The following IGF2R variants were observed in gnomAD, a reference collection of about 807,000 sequenced individuals.
IGF2R encodes cation-independent mannose-6-phosphate receptor.
IGF2R carries 91 observed loss-of-function variants against 270.6 expected under a neutral mutation model. The observed-to-expected ratio is 0.34, with a 90% CI of 0.28 to 0.40. The LOEUF (loss-of-function observed/expected upper bound fraction) is 0.40, where lower values mean the gene tolerates loss of function less well. Among genes scored for constraint, IGF2R ranks in the 10% least tolerant of loss-of-function variants. The pLI is 1.00. For missense variants in IGF2R, 2,805 were observed against 3,188.3 expected (o/e 0.88, Z 2.90); for synonymous variants, 1,316 against 1,258.9 (o/e 1.05, Z -0.96).
intron 22 of IGF2R, 94 bp downstream of exon 22, chr6:160,059,192 C>A (rs1428616124): frequency 1.6e-5 from 16 of 1,025,166 alleles, no homozygotes; most frequent in Non-Finnish European, 2.3e-5. Context: ...TGTGCACATC[C>A]CCCGCCACCA....
chr6:160,089,317 C>CT, intron 43 of IGF2R, 64 bp downstream of exon 43: 1 of 1,457,494 alleles, frequency 6.9e-7, no homozygotes, highest in Non-Finnish European at 9.4e-7. Context: ...CAATGCCGCT[C>CT]TTTCCCTATC....
intron 10 of IGF2R, among the ~76,000 whole-genome samples, chr6:160,035,612 C>A (rs1231570371): frequency 6.6e-6 from 1 of 152,232 alleles, no homozygotes; most frequent in Non-Finnish European, 1.5e-5. Flanking sequence ...TCTGCCATTG[C>A]TGTCCTTGTT....
intron 10 of IGF2R, among the ~76,000 whole-genome samples, chr6:160,036,153 T>TTTC (rs889995008): frequency 3.3e-5 from 5 of 152,112 alleles, no homozygotes; most frequent in African/African-American, 1.2e-4. Flanking sequence ...TCCCAAGGAT[T>TTTC]TTCAGCAGGG....
At chr6:160,030,879 A>G (rs1777681173) in intron 7 of IGF2R, among the ~76,000 whole-genome samples, 1 of 148,860 alleles carries the variant, frequency 6.7e-6, no homozygotes, top group Non-Finnish European at 1.5e-5. Context: ...GCCGGAGTGC[A>G]GTGCCACGAT....
rs757915126 is a variant in IGF2R at position 159,991,243 on chromosome 6, G to A, written c.209G>A (p.Gly70Glu). ...NNVLYKINIC[G>E]SVDIVQCGPS... ...GTACTTTATAAAATCAACATCTGTG[G>A]AAGTGTGGATATTGTCCAGTGCGGG... The change falls in exon 2 of 48, where the codon GGA (glycine) becomes GAA (glutamate). Residue 70 changes from glycine to glutamate, a missense_variant. By Grantham distance (98) the Gly-to-Glu change is moderately conservative (BLOSUM62 -2). Coordinates refer to ENST00000356956, the MANE Select transcript of IGF2R (RefSeq NM_000876.4). The A allele has an allele frequency of 2.7e-5, 44 of 1,613,378 alleles. No individual in the cohort carries two copies. In the Admixed American group the frequency reaches 5.0e-4, roughly 18 times the overall value.
chr6:159,994,969 C>G (rs1483099352), intron 2 of IGF2R, among the ~76,000 whole-genome samples: 1 of 152,008 alleles, frequency 6.6e-6, no homozygotes, highest in African/African-American at 2.4e-5. Flanking sequence ...AATCCTGAGT[C>G]CAATTTAAGT....
Position 160,009,088 on chromosome 6 carries a change from A to G in IGF2R, c.368A>G (p.Asn123Ser), listed in dbSNP as rs777024868. ...TTVSCDQQGT[N>S]HRVQSSIAFL... The stretch of plus-strand genomic sequence containing the variant: ...GTGAGCTGTGACCAGCAAGGCACAA[A>G]TCACAGAGTCCAGAGCAGCATTGCC... Residue 123 changes from asparagine to serine, a missense_variant, in exon 3 of 48, where the codon AAT (asparagine) becomes AGT (serine). Physicochemically the swap from Asn to Ser is conservative, Grantham distance 46. Transcript: ENST00000356956. 1 of 1,614,048 alleles carries G rather than the reference A, an allele frequency of 6.2e-7. No individual in the cohort carries two copies. Among genetic ancestry groups the G allele is most frequent in the Non-Finnish European group, 8.5e-7 (1 of 1,179,926 alleles).
chr6:160,099,533 A>AT (rs997006136), intron 45 of IGF2R, among the ~76,000 whole-genome samples: 5 of 152,022 alleles, frequency 3.3e-5, no homozygotes, highest in Admixed American at 6.5e-5. Context: ...TGCCCGGCTA[A>AT]TTTTTTTGTA....
At chr6:160,040,956 C>T (rs920573635) in intron 11 of IGF2R, among the ~76,000 whole-genome samples, 1 of 152,230 alleles carries the variant, frequency 6.6e-6, no homozygotes, top group Non-Finnish European at 1.5e-5. Flanking sequence ...CTTTTACACA[C>T]TGCCTCTCTT....
intron 5 of IGF2R, among the ~76,000 whole-genome samples, 199 bp downstream of exon 5, chr6:160,024,903 A>G (rs908980552): frequency 5.3e-5 from 8 of 151,618 alleles, no homozygotes; most frequent in African/African-American, 7.3e-5. Context: ...CTCCTCCCCA[A>G]CCCCTGTAGA....
rs944134236 is a variant in IGF2R at position 160,105,947 on chromosome 6, T to A, written c.*863T>A. On this transcript the variant is annotated 3_prime_UTR_variant, in exon 48 of 48. Transcript: ENST00000356956. Reference sequence around the variant, plus strand: ...TGTGTGTGTGTGTGTGTGAGTGGAGTTGAGGTGTCAGAGAAAATGAATTTT... The same window carrying A: ...TGTGTGTGTGTGTGTGTGAGTGGAGATGAGGTGTCAGAGAAAATGAATTTT... 6.7e-6 allele frequency: 1 copy of A among 149,266 alleles called. No individual in the cohort carries two copies. 9.2% of individuals were successfully genotyped at this position (149,266 alleles called of 1,614,324 possible). A position where few individuals can be genotyped will look rare whatever the true frequency, so the allele number is the denominator to read the frequency against.
At position 160,040,631 on chromosome 6, in the gene IGF2R, G is replaced by T; in HGVS notation, c.1387G>T (p.Glu463Ter). ...CACCTACTTCTTCACATGGGACACG[G>T]AATACGCCTGTGTTAAGGAGAAGGA... The part of the protein sequence containing the change: ...DCTYFFTWDT[E>*]YACVKEKEDL... The change falls in exon 11 of 48, where the codon GAA (glutamate) becomes TAA (stop). Residue 463 changes from glutamate to a stop codon, truncating the protein, a stop_gained. Transcript: ENST00000356956. LOFTEE classifies it high-confidence loss of function. 1 of 1,614,180 alleles carries T rather than the reference G, an allele frequency of 6.2e-7. No individual in the cohort carries two copies. The highest frequency in any genetic ancestry group is 8.5e-7 in the Non-Finnish European group (1 of 1,180,008).
In IGF2R at chr6:160,109,601, G is replaced by A. The variant is rs144084242; in HGVS notation, c.*4517G>A. 6.6e-6 allele frequency: 1 copy of A among 152,324 alleles called. No homozygotes were observed. Among genetic ancestry groups the A allele is most frequent in the African/African-American group, 2.4e-5 (1 of 41,556 alleles). 9.4% of individuals were successfully genotyped at this position (152,324 alleles called of 1,614,324 possible). A position where few individuals can be genotyped will look rare whatever the true frequency, so the allele number is the denominator to read the frequency against. On this transcript the variant is annotated 3_prime_UTR_variant, in exon 48 of 48. Coordinates refer to ENST00000356956, the MANE Select transcript of IGF2R (RefSeq NM_000876.4). ...GTACTGCCAGCTAAGCCTTAGTGCT[G>A]TTTCGGTGTTGACAGCTGTCACAAT...
chr6:160,018,334 C>A (rs1040919729), intron 4 of IGF2R, among the ~76,000 whole-genome samples: 1 of 152,048 alleles, frequency 6.6e-6, no homozygotes, highest in Non-Finnish European at 1.5e-5. Context: ...ATGCATGCAA[C>A]TCTAGAGCAC....
At chr6:160,040,301 G>T (rs1217497700) in intron 10 of IGF2R, among the ~76,000 whole-genome samples, 1 of 152,108 alleles carries the variant, frequency 6.6e-6, no homozygotes, top group African/African-American at 2.4e-5. Flanking sequence ...TATCTTTGGA[G>T]ATGCTGTACA....
intron 7 of IGF2R, among the ~76,000 whole-genome samples, chr6:160,030,980 T>G (rs370401861): frequency 3.7e-4 from 57 of 152,336 alleles, no homozygotes; most frequent in African/African-American, 1.4e-3. Context: ...TAGCTGGGAC[T>G]ACAGGCATGT....
Position 160,043,153 on chromosome 6 carries a change from G to A in IGF2R, c.1486G>A (p.Glu496Lys). 6.2e-7 allele frequency: 1 copy of A among 1,614,144 alleles called. No individual in the cohort carries two copies. The change falls in exon 12 of 48, where the codon GAG (glutamate) becomes AAG (lysine). Residue 496 changes from glutamate (E) to lysine (K), a missense_variant. By Grantham distance (56) the Glu-to-Lys change is moderately conservative. This residue lies in a region of IGF2R where 954 missense variants were observed against 981.1 expected (regional missense o/e 0.97). Coordinates refer to ENST00000356956, the MANE Select transcript of IGF2R (RefSeq NM_000876.4). ...LSALVRHAEP[E>K]QNWEAVDGSQ... ...ACACTTTTGTTTTGTTACAGAACCA[G>A]AGCAGAATTGGGAAGCTGTGGATGG...
intron 2 of IGF2R, among the ~76,000 whole-genome samples, chr6:159,999,787 T>G (rs1025763680): frequency 1.3e-5 from 2 of 152,168 alleles, no homozygotes; most frequent in Non-Finnish European, 1.5e-5. Context: ...TTAGATCACA[T>G]ACTGAAATTA....
intron 45 of IGF2R, among the ~76,000 whole-genome samples, chr6:160,097,955 T>G (rs1186144778): frequency 6.6e-6 from 1 of 152,216 alleles, no homozygotes; most frequent in African/African-American, 2.4e-5. Context: ...TTGTGGTATT[T>G]TCAGCTTTTG....
Sources: gnomAD v4.1 joint callset for allele counts (sites outside exome capture counted in the v4.1 genomes callset) on GRCh38, gnomAD v4.1.1 for gene constraint, gnomAD v4.1.1 regional missense constraint, MANE v1.5 for transcripts, NCBI Gene and HGNC (gene_info 2026-07-23, HGNC 2026-07-21) for gene names.